SSBP2: variants seen among roughly 807,000 people sequenced by gnomAD.
The protein encoded by SSBP2 is single-stranded DNA-binding protein 2.
A neutral mutation model predicts 61.8 loss-of-function variants in SSBP2; 17 were observed. That is an observed-to-expected ratio of 0.28 (90% CI 0.19 to 0.41). SSBP2 has a LOEUF of 0.41. SSBP2 is among the 10% of genes least tolerant of loss of function. The probability of loss-of-function intolerance (pLI) is 1.00; values close to 1 mark genes in which losing one functional copy is unlikely to be tolerated. For synonymous variants in SSBP2, 139 were observed against 141.3 expected (o/e 0.98, Z 0.12); for missense variants, 310 against 458.7 (o/e 0.68, Z 2.96).
At chr5:81,469,848 A>AAATTAAAATTTTGATT (rs1489131062) in intron 8 of SSBP2, among the ~76,000 whole-genome samples, 2 of 151,952 alleles carry the variant, frequency 1.3e-5, no homozygotes, top group Non-Finnish European at 2.9e-5. Flanking sequence ...ATTTAGAATC[A>AAATTAAAATTTTGATT]CTGAATTTTA....
chr5:81,523,982 G>C (rs1769707817), intron 4 of SSBP2, among the ~76,000 whole-genome samples: 1 of 151,982 alleles, frequency 6.6e-6, no homozygotes, highest in African/African-American at 2.4e-5. Flanking sequence ...CTAAAAGATG[G>C]AAGCCTTTGT....
At chr5:81,583,487 G>A (rs535754013) in intron 4 of SSBP2, among the ~76,000 whole-genome samples, 1 of 152,058 alleles carries the variant, frequency 6.6e-6, no homozygotes, top group African/African-American at 2.4e-5. Flanking sequence ...AAAATTAGCT[G>A]GGCATGGTGG....
upstream of SSBP2, chr5:81,751,190 C>T: frequency 2.4e-6 from 2 of 819,024 alleles, no homozygotes; most frequent in Non-Finnish European, 3.9e-6. Context: ...GCCCAGGCAA[C>T]GCGCGAGACT....
intron 1 of SSBP2, among the ~76,000 whole-genome samples, chr5:81,685,264 A>G (rs1350571496): frequency 6.6e-6 from 1 of 152,198 alleles, no homozygotes; most frequent in Non-Finnish European, 1.5e-5. Flanking sequence ...TTATAGCAGC[A>G]TAACAATAGA....
chr5:81,701,481 T>A (rs1753980687), intron 1 of SSBP2, among the ~76,000 whole-genome samples: 1 of 152,234 alleles, frequency 6.6e-6, no homozygotes. Context: ...ACTTGCTCTA[T>A]GCAGGGTGGC....
At chr5:81,599,624 G>A (rs1744145087) in intron 4 of SSBP2, among the ~76,000 whole-genome samples, 2 of 152,238 alleles carry the variant, frequency 1.3e-5, no homozygotes, top group African/African-American at 4.8e-5. Flanking sequence ...CTTTGCACAC[G>A]CTGTTCCCTC....
intron 1 of SSBP2, among the ~76,000 whole-genome samples, chr5:81,657,635 G>T (rs1450723171): frequency 6.6e-6 from 1 of 152,110 alleles, no homozygotes; most frequent in Non-Finnish European, 1.5e-5. Flanking sequence ...TCCCTCAGAA[G>T]GCCTAAGGGC....
At chr5:81,516,070 T>C (rs951562566) in intron 4 of SSBP2, among the ~76,000 whole-genome samples, 3 of 151,976 alleles carry the variant, frequency 2.0e-5, no homozygotes, top group Non-Finnish European at 4.4e-5. Context: ...AAAATATATT[T>C]ATCCATGATC....
At chr5:81,714,551 C>T (rs1057234457) in intron 1 of SSBP2, among the ~76,000 whole-genome samples, 1 of 152,192 alleles carries the variant, frequency 6.6e-6, no homozygotes, top group African/African-American at 2.4e-5. Flanking sequence ...TCTCCACATC[C>T]TCTCCAGCAT....
At chr5:81,494,593 CAGG>C (rs1209436823) in intron 5 of SSBP2, among the ~76,000 whole-genome samples, 2 of 152,140 alleles carry the variant, frequency 1.3e-5, no homozygotes, top group African/African-American at 2.4e-5. Flanking sequence ...ATCTGCAAGC[CAGG>C]AGGAGGGTCC....
At chr5:81,648,300 C>A (rs1467360785) in intron 2 of SSBP2, among the ~76,000 whole-genome samples, 3 of 151,998 alleles carry the variant, frequency 2.0e-5, no homozygotes, top group African/African-American at 7.2e-5. Context: ...CACAGATACA[C>A]CAAATTTTTG....
At chr5:81,584,395 ATT>A (rs1774909903) in intron 4 of SSBP2, among the ~76,000 whole-genome samples, 1 of 152,170 alleles carries the variant, frequency 6.6e-6, no homozygotes, top group African/African-American at 2.4e-5. Flanking sequence ...GGCATTCATA[ATT>A]TTTAACTCTT....
intron 1 of SSBP2, among the ~76,000 whole-genome samples, chr5:81,709,267 G>A (rs1462095694): frequency 6.6e-6 from 1 of 151,828 alleles, no homozygotes; most frequent in East Asian, 1.9e-4. Context: ...GAGAAAAGAA[G>A]AAGTAAAAAT....
intron 5 of SSBP2, among the ~76,000 whole-genome samples, chr5:81,505,791 G>A (rs1247561881): frequency 6.6e-6 from 1 of 152,192 alleles, no homozygotes; most frequent in African/African-American, 2.4e-5. Flanking sequence ...AGCATGAAAA[G>A]TGAAAGGAAA....
chr5:81,535,003 G>C (rs1770704716), intron 4 of SSBP2, among the ~76,000 whole-genome samples: 1 of 151,704 alleles, frequency 6.6e-6, no homozygotes, highest in Admixed American at 6.6e-5. Context: ...GAGAAACTAA[G>C]TTAAAAATTA....
chr5:81,695,002 A>C (rs1753496290), intron 1 of SSBP2, among the ~76,000 whole-genome samples: 1 of 152,144 alleles, frequency 6.6e-6, no homozygotes, highest in African/African-American at 2.4e-5. Flanking sequence ...TCTGCCTCTA[A>C]AAGAAACAAA....
At chr5:81,714,760 ATTTG>A (rs1436536233) in intron 1 of SSBP2, among the ~76,000 whole-genome samples, 2 of 152,096 alleles carry the variant, frequency 1.3e-5, no homozygotes, top group African/African-American at 4.8e-5. Flanking sequence ...TTTCTTGTAA[ATTTG>A]TTTAAGTTCT....
At chr5:81,750,568 C>T (rs990774106) in intron 1 of SSBP2, 7 of 167,288 alleles carry the variant, frequency 4.2e-5, no homozygotes, top group African/African-American at 1.7e-4. Flanking sequence ...CACCCACATT[C>T]CCACTGCGCG....
rs576699399 is a variant in SSBP2, at chr5:81,650,458, T to G, written c.63-119A>C. The G allele has an allele frequency of 1.7e-3, 892 of 521,148 alleles. 9 individuals carry two copies. Among genetic ancestry groups the G allele is most frequent in the Non-Finnish European group, 4.2e-5 (13 of 306,448 alleles). 32.3% of individuals were successfully genotyped at this position (521,148 alleles called of 1,614,324 possible). A position where few individuals can be genotyped will look rare whatever the true frequency, so the allele number is the denominator to read the frequency against. On this transcript the variant is annotated intron_variant, in intron 1 of 16. Coordinates refer to ENST00000320672, the MANE Select transcript of SSBP2 (RefSeq NM_012446.5). ...ACTAACAGTGACCAAAAATAAACCC[T>G]TCCCATACTATTTCAATAGGAATTA...
Sources: gnomAD v4.1 joint callset for allele counts (sites outside exome capture counted in the v4.1 genomes callset) on GRCh38, gnomAD v4.1.1 for gene constraint, MANE v1.5 for transcripts, NCBI Gene and HGNC (gene_info 2026-07-23, HGNC 2026-07-21) for gene names.